LY86: variants seen among roughly 807,000 people sequenced by gnomAD.
The protein encoded by LY86 is MD-1, RP105-associated.
In LY86, 20 loss-of-function variants were observed where a neutral mutation model predicts 17.3. The observed-to-expected ratio is 1.15, with a 90% CI of 0.81 to 1.68. The LOEUF is 1.68. Ranked by LOEUF, LY86 falls within the 40% of genes most tolerant of loss-of-function variation. LY86 has a pLI of 0.00. For synonymous variants in LY86, 74 were observed against 70.6 expected (o/e 1.05, Z -0.24); for missense variants, 200 against 191.9 (o/e 1.04, Z -0.25).
chr6:6,599,422 G>A (rs1284251574), intron 1 of LY86, among the ~76,000 whole-genome samples: 2 of 152,216 alleles, frequency 1.3e-5, no homozygotes. Context: ...GAGGACTTTG[G>A]TCTTTTCAGT....
intron 1 of LY86, among the ~76,000 whole-genome samples, chr6:6,609,705 G>C (rs932681848): frequency 1.2e-4 from 18 of 152,312 alleles, no homozygotes; most frequent in African/African-American, 3.9e-4. Context: ...TGGTCTGCTG[G>C]GGGATTGGAG....
At chr6:6,648,720 C>A (rs577891611) in intron 3 of LY86, among the ~76,000 whole-genome samples, 18 of 152,068 alleles carry the variant, frequency 1.2e-4, no homozygotes, top group African/African-American at 4.3e-4. Context: ...TTCCCCACCA[C>A]CCTAGGAAGT....
chr6:6,632,395 A>G (rs1240739245), intron 3 of LY86, among the ~76,000 whole-genome samples: 1 of 152,220 alleles, frequency 6.6e-6, no homozygotes, highest in Non-Finnish European at 1.5e-5. Flanking sequence ...ATTGGGTAAG[A>G]GTGGAGACTA....
At chr6:6,615,719 CAAA>C (rs373207405) in intron 1 of LY86, among the ~76,000 whole-genome samples, 7 of 91,736 alleles carry the variant, frequency 7.6e-5, no homozygotes, top group African/African-American at 1.3e-4. Context: ...GATGTTGTCT[CAAA>C]AAAAAAAAAA....
At chr6:6,641,394 C>A (rs1205572588) in intron 3 of LY86, among the ~76,000 whole-genome samples, 2 of 152,174 alleles carry the variant, frequency 1.3e-5, no homozygotes, top group Non-Finnish European at 2.9e-5. Context: ...TTCACCGTGC[C>A]CCCCTCCTGC....
chr6:6,601,677 G>A lies in LY86; in HGVS notation c.136+12807G>A, dbSNP rs568207496. Among the ~76,000 whole-genome samples the A allele has an allele frequency of 2.0e-5, 3 of 152,018 alleles. No individual in the cohort carries two copies. The East Asian group carries it at 5.8e-4, about 29-fold the overall frequency. On this transcript the variant is annotated intron_variant, in intron 1 of 4. Transcript: ENST00000230568. ...AGAGCTTGCAGTGAGCAGAGATCGT[G>A]CCACTGCACTCCAGCCTGGGAGACA...
At chr6:6,601,432 T>C (rs1760904633) in intron 1 of LY86, among the ~76,000 whole-genome samples, 1 of 152,088 alleles carries the variant, frequency 6.6e-6, no homozygotes, top group African/African-American at 2.4e-5. Context: ...AGTTGCAATA[T>C]ACACTAGAGG....
At chr6:6,604,117 G>A (rs6597223) in intron 1 of LY86, among the ~76,000 whole-genome samples, 15,295 of 152,116 alleles carry the variant, frequency 0.1, 2,167 homozygotes, top group African/African-American at 0.32. Flanking sequence ...ATAGGCAGAA[G>A]GAAATATTAA....
chr6:6,649,244 A>AC (rs1762151085), intron 3 of LY86, among the ~76,000 whole-genome samples: 1 of 152,014 alleles, frequency 6.6e-6, no homozygotes, highest in South Asian at 2.1e-4. Flanking sequence ...GGTAAAATCC[A>AC]CCCCCATGAT....
At chr6:6,654,083 AC>A (rs3835210) in intron 4 of LY86, among the ~76,000 whole-genome samples, 30,935 of 143,554 alleles carry the variant, frequency 0.22, 3,370 homozygotes, top group East Asian at 0.29. Flanking sequence ...CCCTTACCTC[AC>A]CCCCCCCATC....
intron 3 of LY86, among the ~76,000 whole-genome samples, chr6:6,635,420 T>A (rs1761946272): frequency 6.6e-6 from 1 of 152,200 alleles, no homozygotes; most frequent in Non-Finnish European, 1.5e-5. Context: ...TTTCTCTTCC[T>A]CTCTGCCTTT....
intron 1 of LY86, among the ~76,000 whole-genome samples, chr6:6,614,897 G>A (rs1219832926): frequency 1.3e-5 from 2 of 152,162 alleles, no homozygotes; most frequent in Non-Finnish European, 2.9e-5. Flanking sequence ...TGTAGAGACA[G>A]GAGCCAGAGA....
intron 3 of LY86, among the ~76,000 whole-genome samples, chr6:6,649,184 T>C (rs1219568593): frequency 2.6e-5 from 4 of 152,214 alleles, no homozygotes; most frequent in Admixed American, 2.6e-4. Flanking sequence ...CTGCCCTTTA[T>C]AAAACCATCA....
At chr6:6,650,102 C>A (rs1228473812) in intron 4 of LY86, among the ~76,000 whole-genome samples, 2 of 152,138 alleles carry the variant, frequency 1.3e-5, no homozygotes, top group Non-Finnish European at 2.9e-5. Flanking sequence ...AAGGAAGATG[C>A]ACAAGCCATG....
chr6:6,651,491 C>A (rs1762186138), intron 4 of LY86, among the ~76,000 whole-genome samples: 1 of 152,154 alleles, frequency 6.6e-6, no homozygotes, highest in Non-Finnish European at 1.5e-5. Context: ...AAAAGTTTTG[C>A]AAGAAAGAAA....
intron 1 of LY86, among the ~76,000 whole-genome samples, chr6:6,596,653 A>G (rs959391969): frequency 1.2e-4 from 18 of 152,204 alleles, no homozygotes; most frequent in African/African-American, 4.1e-4. Context: ...AAAGAGAGGA[A>G]GTTGATAAAG....
At chr6:6,618,051 G>A (rs777848434) in intron 1 of LY86, among the ~76,000 whole-genome samples, 2 of 152,198 alleles carry the variant, frequency 1.3e-5, no homozygotes, top group Non-Finnish European at 2.9e-5. Context: ...ATGTTGGCCA[G>A]GCTGGTCTTG....
At chr6:6,605,511 G>A (rs568363464) in intron 1 of LY86, among the ~76,000 whole-genome samples, 1 of 151,742 alleles carries the variant, frequency 6.6e-6, no homozygotes, top group Admixed American at 6.5e-5. Context: ...GCCTTGCCAT[G>A]GGGGGTCTCC....
chr6:6,611,505 T>C (rs1466542789), intron 1 of LY86, among the ~76,000 whole-genome samples: 1 of 152,194 alleles, frequency 6.6e-6, no homozygotes, highest in Non-Finnish European at 1.5e-5. Context: ...GTTATTACAC[T>C]CATCTGTAAT....
Sources: gnomAD v4.1 joint callset for allele counts (sites outside exome capture counted in the v4.1 genomes callset) on GRCh38, gnomAD v4.1.1 for gene constraint, MANE v1.5 for transcripts, NCBI Gene and HGNC (gene_info 2026-07-23, HGNC 2026-07-21) for gene names.